Variants in GLT6D1 observed in about 807,000 individuals in gnomAD.
GLT6D1 encodes putative glycosyltransferase 6 domain-containing protein 1.
In GLT6D1, 9 loss-of-function variants were observed where a neutral mutation model predicts 12.3. That is an observed-to-expected ratio of 0.73 (90% CI 0.44 to 1.27). GLT6D1 has a LOEUF of 1.27. Among genes scored for constraint, GLT6D1 ranks in the 50% most tolerant of loss-of-function variants. The probability of loss-of-function intolerance (pLI) is 0.00; values close to 1 mark genes in which losing one functional copy is unlikely to be tolerated. For synonymous variants in GLT6D1, 128 were observed against 132.3 expected (o/e 0.97, Z 0.23); for missense variants, 335 against 346.2 (o/e 0.97, Z 0.26).
intron 2 of GLT6D1, among the ~76,000 whole-genome samples, chr9:135,636,537 TA>T (rs1435574107): frequency 6.6e-6 from 1 of 152,336 alleles, no homozygotes; most frequent in African/African-American, 2.4e-5. Flanking sequence ...TTACATATGT[TA>T]ATTTCACTCT....
Position 135,624,276 on chromosome 9 carries a change from T to G in GLT6D1, c.652A>C (p.Ile218Leu). The G allele has an allele frequency of 6.2e-7, 1 of 1,603,560 alleles. No individual in the cohort carries two copies. The highest frequency in any genetic ancestry group is 1.3e-5 in the African/African-American group (1 of 74,584). ...YERRPTSAAC[I>L]PFGQGDFYYG... ...TAGAAATCTCCCTGTCCAAACGGGA[T>G]GCAAGCTGCTGAGGTCGGCCTCCTC... The change falls in exon 5 of 5, where the codon ATC becomes CTC. Residue 218 changes from isoleucine (I) to leucine (L), a missense_variant. By Grantham distance (5) the Ile-to-Leu change is conservative. Coordinates refer to ENST00000371763, the MANE Select transcript of GLT6D1 (RefSeq NM_182974.3).
chr9:135,633,857 A>T (rs966413186), intron 2 of GLT6D1, among the ~76,000 whole-genome samples: 14 of 152,184 alleles, frequency 9.2e-5, no homozygotes, highest in African/African-American at 3.1e-4. Flanking sequence ...TAGAATCAAG[A>T]TCCATTTATT....
chr9:135,637,731 A>G (rs1280482109), intron 2 of GLT6D1, among the ~76,000 whole-genome samples: 1 of 152,078 alleles, frequency 6.6e-6, no homozygotes, highest in Admixed American at 6.5e-5. Context: ...TCATTTTTAA[A>G]TGTTTTAAAT....
chr9:135,635,617 T>C (rs1246542845), intron 2 of GLT6D1, among the ~76,000 whole-genome samples: 2 of 152,240 alleles, frequency 1.3e-5, no homozygotes, highest in Non-Finnish European at 2.9e-5. Flanking sequence ...GATCTGCTGC[T>C]TTCCTGGAGA....
chr9:135,633,650 G>A (rs557151674), intron 2 of GLT6D1, among the ~76,000 whole-genome samples: 1 of 152,216 alleles, frequency 6.6e-6, no homozygotes, highest in African/African-American at 2.4e-5. Context: ...TGTAACTATT[G>A]CATAGGACAT....
At chr9:135,634,901 C>T (rs537859623) in intron 2 of GLT6D1, among the ~76,000 whole-genome samples, 32 of 152,260 alleles carry the variant, frequency 2.1e-4, no homozygotes, top group South Asian at 6.2e-4. Context: ...GTTCTGTTTT[C>T]GGGCTTCTCC....
chr9:135,629,241 A>G (rs1336746077), intron 3 of GLT6D1, among the ~76,000 whole-genome samples: 3 of 152,128 alleles, frequency 2.0e-5, no homozygotes, highest in Non-Finnish European at 2.9e-5. Context: ...CTTTCATTTT[A>G]ATGTAGGCAT....
chr9:135,635,653 T>A (rs890040373), intron 2 of GLT6D1, among the ~76,000 whole-genome samples: 2 of 152,208 alleles, frequency 1.3e-5, no homozygotes, highest in Non-Finnish European at 2.9e-5. Context: ...AAGATCTGGG[T>A]ACCAGGTGTG....
chr9:135,624,482 A>AC lies in GLT6D1; in HGVS notation c.445dup (p.Val149GlyfsTer8). 1 of 1,611,418 alleles carries AC rather than the reference A, an allele frequency of 6.2e-7. No homozygotes were observed. The highest frequency in any genetic ancestry group is 8.5e-7 in the Non-Finnish European group (1 of 1,178,840). On this transcript the variant is annotated frameshift_variant, in exon 5 of 5. Transcript: ENST00000371763. LOFTEE classifies it low-confidence loss of function (END_TRUNC). ...GTGTTCACCCAGGCTCTTCACATGC[A>AC]CCAGGGGGCCATCGAGCCACCACCT... is the stretch of plus-strand genomic sequence containing the variant.
chr9:135,634,898 T>C (rs570606550), intron 2 of GLT6D1, among the ~76,000 whole-genome samples: 8 of 152,290 alleles, frequency 5.3e-5, no homozygotes, highest in African/African-American at 1.9e-4. Flanking sequence ...AGGGTTCTGT[T>C]TTCGGGCTTC....
At position 135,638,587 on chromosome 9, in the gene GLT6D1, T is replaced by C. The variant is rs1833829701; in HGVS notation, c.71+530A>G. On this transcript the variant is annotated intron_variant, in intron 2 of 4. Coordinates refer to ENST00000371763, the MANE Select transcript of GLT6D1 (RefSeq NM_182974.3). ...TCCCTGGCATTGTCTTTTATGTGTA[T>C]TTATTGTCTACCTTCTCCAAATAGA... Among the ~76,000 whole-genome samples the C allele has an allele frequency of 2.0e-5, 3 of 152,234 alleles. No individual in the cohort carries two copies. In the South Asian group the frequency reaches 6.2e-4, roughly 32 times the overall value.
intron 2 of GLT6D1, among the ~76,000 whole-genome samples, chr9:135,634,300 G>T (rs1451541194): frequency 6.6e-6 from 1 of 151,948 alleles, no homozygotes; most frequent in Non-Finnish European, 1.5e-5. Flanking sequence ...TGCTAATTCT[G>T]GTGTTTTTAG....
At chr9:135,639,078 A>T (rs755234706) in intron 2 of GLT6D1, 39 bp downstream of exon 2, 1 of 1,090,132 alleles carries the variant, frequency 9.2e-7, no homozygotes, top group African/African-American at 1.6e-5. Context: ...ACCTCTGCCA[A>T]TCACTAAAGA....
Position 135,626,126 on chromosome 9 carries a change from T to A in GLT6D1, c.200A>T (p.Glu67Val), listed in dbSNP as rs774712825. 3 of 1,613,030 alleles carry A rather than the reference T, an allele frequency of 1.9e-6. No individual in the cohort carries two copies. In the Admixed American group the frequency reaches 5.0e-5, roughly 27 times the overall value. ...WEGTFDRRVL[E>V]KHYRRRNITV... ...GATATTCCGCCTTCTGTAATGTTTTTCCAGGACCCGCCTGTCGAAAGTCCC... is the reference window on the plus strand; with the variant it reads ...GATATTCCGCCTTCTGTAATGTTTTACCAGGACCCGCCTGTCGAAAGTCCC... Residue 67 changes from glutamate to valine, a missense_variant, in exon 4 of 5, where the codon GAA becomes GTA. By Grantham distance (121) the Glu-to-Val change is moderately radical. Transcript: ENST00000371763.
chr9:135,635,002 G>A lies in GLT6D1; in HGVS notation c.72-3524C>T, dbSNP rs573395505. On this transcript the variant is annotated intron_variant, in intron 2 of 4. Coordinates refer to ENST00000371763, the MANE Select transcript of GLT6D1 (RefSeq NM_182974.3). ...GGACTGGGGCGTCAGGTTCTGTGTC[G>A]TTGGTAGTGGAGAATCTACAGACAT... Among the ~76,000 whole-genome samples, 4 of 152,300 alleles carry A rather than the reference G, an allele frequency of 2.6e-5. No individual in the cohort carries two copies. The South Asian group carries it at 6.2e-4, about 24-fold the overall frequency.
rs762424869 is a variant in GLT6D1, at chr9:135,624,049, T to C, written c.*48A>G. 1.7e-6 allele frequency: 2 copies of C among 1,170,674 alleles called. No homozygotes were observed. The highest frequency in any genetic ancestry group is 2.7e-5 in the South Asian group (2 of 74,782). 72.5% of individuals were successfully genotyped at this position (1,170,674 alleles called of 1,614,324 possible). A position where few individuals can be genotyped will look rare whatever the true frequency, so the allele number is the denominator to read the frequency against. On this transcript the variant is annotated 3_prime_UTR_variant, in exon 5 of 5. Coordinates refer to ENST00000371763, the MANE Select transcript of GLT6D1 (RefSeq NM_182974.3). ...GTGCGACCTTGACGTATTGGATCTG[T>C]GGAGGAGGAGAAAATGCAAGATCCC...
chr9:135,634,442 C>CTTTTTTTTTTTTTTTTTTTTTTTTTT (rs370291630), intron 2 of GLT6D1, among the ~76,000 whole-genome samples: 1 of 54,862 alleles, frequency 1.8e-5, no homozygotes, highest in Non-Finnish European at 3.1e-5. Flanking sequence ...TTTTCCTTTC[C>CTTTTTTTTTTTTTTTTTTTTTTTTTT]TTTTTTTTTT....
chr9:135,639,348 G>A lies in GLT6D1; in HGVS notation c.-62C>T. On this transcript the variant is annotated 5_prime_UTR_variant, in exon 1 of 5. Coordinates refer to ENST00000371763, the MANE Select transcript of GLT6D1 (RefSeq NM_182974.3). The stretch of plus-strand genomic sequence containing the variant: ...GCAGGAGACAGCGACTTGAGTTAGG[G>A]AAGCCTCTGTTCTCCTTCAAGTGCC... The A allele has an allele frequency of 3.7e-6, 2 of 535,016 alleles. No individual in the cohort carries two copies. The highest frequency in any genetic ancestry group is 6.7e-6 in the Non-Finnish European group (2 of 300,488). 33.1% of individuals were successfully genotyped at this position (535,016 alleles called of 1,614,324 possible).
At chr9:135,625,304 C>T (rs951773252) in intron 4 of GLT6D1, among the ~76,000 whole-genome samples, 1 of 152,064 alleles carries the variant, frequency 6.6e-6, no homozygotes, top group Non-Finnish European at 1.5e-5. Context: ...GTTAAGGACT[C>T]GGCCATCGAC....
Sources: gnomAD v4.1 joint callset for allele counts (sites outside exome capture counted in the v4.1 genomes callset) on GRCh38, gnomAD v4.1.1 for gene constraint, MANE v1.5 for transcripts, NCBI Gene and HGNC (gene_info 2026-07-23, HGNC 2026-07-21) for gene names.